Variants in RETREG1 observed in about 807,000 individuals in gnomAD.
The protein encoded by RETREG1 is family with sequence similarity 134 member B.
A neutral mutation model predicts 54.8 loss-of-function variants in RETREG1; 44 were observed. That is an observed-to-expected ratio of 0.80 (90% confidence interval 0.63 to 1.03). The LOEUF (loss-of-function observed/expected upper bound fraction) is 1.03, where lower values mean the gene tolerates loss of function less well. Ranked by LOEUF, RETREG1 falls within the 50% of genes least tolerant of loss-of-function variation. The pLI, the probability that RETREG1 is intolerant of heterozygous loss-of-function variation, is 0.00. For missense variants in RETREG1, 554 were observed against 605.1 expected, an observed-to-expected ratio of 0.92 and a Z score of 0.89; for synonymous variants, 217 against 238.5, an observed-to-expected ratio of 0.91 and a Z score of 0.83.
intron 3 of RETREG1, among the ~76,000 whole-genome samples, chr5:16,494,491 G>A (rs1309191402): frequency 6.6e-6 from 1 of 152,170 alleles, no homozygotes; most frequent in Non-Finnish European, 1.5e-5. Context: ...GCTCATGATG[G>A]TGAGTGAGTT....
chr5:16,545,713 T>C (rs1741368390), intron 3 of RETREG1, among the ~76,000 whole-genome samples: 1 of 152,218 alleles, frequency 6.6e-6, no homozygotes, highest in African/African-American at 2.4e-5. Flanking sequence ...TCTTGGTTCC[T>C]GTTCCTAGCA....
intron 2 of RETREG1, among the ~76,000 whole-genome samples, chr5:16,566,112 T>C (rs1261910612): frequency 6.6e-6 from 1 of 152,036 alleles, no homozygotes; most frequent in Non-Finnish European, 1.5e-5. Flanking sequence ...CCCAAGTAAA[T>C]ATGAACCAAG....
At chr5:16,577,368 A>G (rs936150511) in intron 1 of RETREG1, among the ~76,000 whole-genome samples, 5 of 148,882 alleles carry the variant, frequency 3.4e-5, no homozygotes, top group Non-Finnish European at 7.4e-5. Context: ...GACTGTCTGG[A>G]TGTCTTGGTG....
intron 1 of RETREG1, among the ~76,000 whole-genome samples, chr5:16,576,226 C>A (rs1374966693): frequency 6.6e-6 from 1 of 152,112 alleles, no homozygotes; most frequent in Non-Finnish European, 1.5e-5. Flanking sequence ...TGAAGCAAAT[C>A]CCAAACATCA....
At chr5:16,551,654 T>C (rs1452737470) in intron 3 of RETREG1, among the ~76,000 whole-genome samples, 3 of 152,082 alleles carry the variant, frequency 2.0e-5, no homozygotes, top group Non-Finnish European at 2.9e-5. Context: ...GAGACATGAG[T>C]TGGAAAAACT....
chr5:16,577,706 T>A (rs1176451827), intron 1 of RETREG1, among the ~76,000 whole-genome samples: 1 of 152,088 alleles, frequency 6.6e-6, no homozygotes, highest in East Asian at 1.9e-4. Flanking sequence ...CTAATTCTCA[T>A]GTGTTGTGGG....
chr5:16,503,364 G>C (rs1739798060), intron 3 of RETREG1, among the ~76,000 whole-genome samples: 1 of 151,848 alleles, frequency 6.6e-6, no homozygotes, highest in Admixed American at 6.6e-5. Flanking sequence ...TAGAAGAGTA[G>C]AAGAAAAATA....
chr5:16,528,989 T>G (rs1740826561), intron 3 of RETREG1, among the ~76,000 whole-genome samples: 1 of 152,216 alleles, frequency 6.6e-6, no homozygotes, highest in Non-Finnish European at 1.5e-5. Flanking sequence ...TTACATATTT[T>G]GAAATTGAGT....
At position 16,572,033 on chromosome 5, in the gene RETREG1, CATA is replaced by C; in HGVS notation, c.387_389del (p.Ile129del). The C allele has an allele frequency of 6.2e-7, 1 of 1,613,254 alleles. No individual in the cohort carries two copies. Among genetic ancestry groups the C allele is most frequent in the Non-Finnish European group, 8.5e-7 (1 of 1,179,294 alleles). ...ACAAAACCATATCCTTTATTATTTG[CATA>C]ATAACACGCCCAAGTATCATGACGG... On this transcript the variant is annotated inframe_deletion, in exon 2 of 9. Coordinates refer to ENST00000306320, the MANE Select transcript of RETREG1 (RefSeq NM_001034850.3).
chr5:16,608,693 C>G (rs975869942), intron 1 of RETREG1, among the ~76,000 whole-genome samples: 1 of 152,092 alleles, frequency 6.6e-6, no homozygotes, highest in Non-Finnish European at 1.5e-5. Flanking sequence ...AGGTATACCC[C>G]CTTGACCACA....
At chr5:16,590,029 G>A (rs982335621) in intron 1 of RETREG1, among the ~76,000 whole-genome samples, 2 of 152,236 alleles carry the variant, frequency 1.3e-5, no homozygotes. Flanking sequence ...GCACAAGCAT[G>A]AGAGAGAACT....
At chr5:16,588,293 T>A (rs1742671060) in intron 1 of RETREG1, among the ~76,000 whole-genome samples, 2 of 152,156 alleles carry the variant, frequency 1.3e-5, no homozygotes, top group Non-Finnish European at 2.9e-5. Flanking sequence ...TCTCATAGGG[T>A]CTTTCCTCTT....
intron 1 of RETREG1, among the ~76,000 whole-genome samples, chr5:16,572,603 C>A (rs551411830): frequency 3.3e-5 from 5 of 152,302 alleles, no homozygotes; most frequent in East Asian, 3.9e-4. Context: ...TCTGAGCCTG[C>A]GCGCTTTTGT....
intron 2 of RETREG1, among the ~76,000 whole-genome samples, chr5:16,568,430 C>T (rs1742081171): frequency 6.6e-6 from 1 of 152,102 alleles, no homozygotes; most frequent in African/African-American, 2.4e-5. Flanking sequence ...CACCACCACG[C>T]CCGGCTAATT....
At chr5:16,539,113 T>G (rs1741165297) in intron 3 of RETREG1, among the ~76,000 whole-genome samples, 1 of 152,206 alleles carries the variant, frequency 6.6e-6, no homozygotes, top group African/African-American at 2.4e-5. Context: ...AAGGCACCTC[T>G]AAGAGCTCTG....
At chr5:16,576,697 G>C (rs1742329461) in intron 1 of RETREG1, among the ~76,000 whole-genome samples, 1 of 152,042 alleles carries the variant, frequency 6.6e-6, no homozygotes, top group Non-Finnish European at 1.5e-5. Context: ...GTTGAGGCTG[G>C]TCTCGAACTC....
At position 16,561,006 on chromosome 5, in the gene RETREG1, A is replaced by G. The variant is rs1741839872; in HGVS notation, c.458+4757T>C. On this transcript the variant is annotated intron_variant, in intron 3 of 8. Transcript: ENST00000306320. This position sits in a 1 kb window ranked among gnomAD's most constrained non-coding sequence, Gnocchi z 4.2. Reference sequence around the variant, plus strand: ...GGGACACATAAATCCCTCACATTGCACCATCATACACTTCTCAGGCTGTAT... The same window carrying G: ...GGGACACATAAATCCCTCACATTGCGCCATCATACACTTCTCAGGCTGTAT... Among the ~76,000 whole-genome samples the G allele has an allele frequency of 1.3e-5, 2 of 152,176 alleles. No individual in the cohort carries two copies. Among genetic ancestry groups the G allele is most frequent in the African/African-American group, 4.8e-5 (2 of 41,432 alleles).
intron 1 of RETREG1, among the ~76,000 whole-genome samples, chr5:16,605,135 T>C (rs1316886506): frequency 1.3e-5 from 2 of 152,156 alleles, no homozygotes; most frequent in African/African-American, 4.8e-5. Flanking sequence ...ATCTAGCATT[T>C]TCCCCCAGTC....
At position 16,594,785 on chromosome 5, in the gene RETREG1, C is replaced by T. The variant is rs1742854453; in HGVS notation, c.320+21867G>A. ...TTCATAGACTACCATCACAAACTGG[C>T]TAAAAGTCTCTCACTAAAGGTTTCT... On this transcript the variant is annotated intron_variant, in intron 1 of 8. Coordinates refer to ENST00000306320, the MANE Select transcript of RETREG1 (RefSeq NM_001034850.3). The surrounding 1 kb of genome is among the most constrained non-coding windows in gnomAD (Gnocchi z 4.4). 6.6e-6 allele frequency among the ~76,000 whole-genome samples: 1 copy of T among 152,108 alleles called. No individual in the cohort carries two copies. Among genetic ancestry groups the T allele is most frequent in the African/African-American group, 2.4e-5 (1 of 41,406 alleles).
Sources: gnomAD v4.1 joint callset for allele counts (sites outside exome capture counted in the v4.1 genomes callset) on GRCh38, gnomAD v4.1.1 for gene constraint, Gnocchi (gnomAD v3.1) non-coding constraint, MANE v1.5 for transcripts, NCBI Gene and HGNC (gene_info 2026-07-23, HGNC 2026-07-21) for gene names.